Variants in STARD3NL observed in about 807,000 individuals in gnomAD.
STARD3NL encodes STARD3 N-terminal like, also known as STARD3 N-terminal-like protein.
A neutral mutation model predicts 30.9 loss-of-function variants in STARD3NL; 17 were observed. The observed-to-expected ratio is 0.55, with a 90% CI of 0.38 to 0.82. STARD3NL has a LOEUF of 0.82. Among genes scored for constraint, STARD3NL ranks in the 40% least tolerant of loss-of-function variants. STARD3NL has a pLI of 0.00. For missense variants in STARD3NL, 234 were observed against 277.6 expected (o/e 0.84, Z 1.12); for synonymous variants, 112 against 100.5 (o/e 1.11, Z -0.69).
intron 7 of STARD3NL, among the ~76,000 whole-genome samples, 154 bp downstream of exon 7, chr7:38,219,814 A>G (rs1376208180): frequency 1.3e-5 from 2 of 152,248 alleles, no homozygotes; most frequent in Non-Finnish European, 2.9e-5. Context: ...ACGGTCTCAC[A>G]TGAAACCAGT....
At chr7:38,191,528 G>A (rs569594803) in intron 1 of STARD3NL, among the ~76,000 whole-genome samples, 9 of 152,038 alleles carry the variant, frequency 5.9e-5, no homozygotes, top group South Asian at 2.1e-4. Context: ...TAATTTTTAC[G>A]TTTAGGTCTG....
chr7:38,198,664 T>G (rs907656663), intron 1 of STARD3NL, among the ~76,000 whole-genome samples: 1 of 152,154 alleles, frequency 6.6e-6, no homozygotes, highest in East Asian at 1.9e-4. Flanking sequence ...GGCTGGGTGG[T>G]TGGGTTGAGA....
intron 1 of STARD3NL, among the ~76,000 whole-genome samples, chr7:38,187,972 C>G (rs908249483): frequency 2.0e-5 from 3 of 152,152 alleles, no homozygotes; most frequent in Non-Finnish European, 4.4e-5. Flanking sequence ...TTACTTGGAA[C>G]CAATCTATTC....
intron 1 of STARD3NL, among the ~76,000 whole-genome samples, chr7:38,180,047 C>A (rs138221996): frequency 1.4e-4 from 21 of 152,346 alleles, no homozygotes; most frequent in Non-Finnish European, 2.6e-4. Flanking sequence ...GGGATTGGAT[C>A]ATCTTGTATC....
chr7:38,201,210 G>A (rs1487857675), intron 1 of STARD3NL, among the ~76,000 whole-genome samples: 2 of 152,172 alleles, frequency 1.3e-5, no homozygotes, highest in African/African-American at 4.8e-5. Context: ...GCTCAGAGAT[G>A]TCTCTGCTTT....
At chr7:38,187,754 C>T (rs148309144) in intron 1 of STARD3NL, among the ~76,000 whole-genome samples, 9 of 152,204 alleles carry the variant, frequency 5.9e-5, no homozygotes, top group East Asian at 3.9e-4. Flanking sequence ...TACTTTATCT[C>T]GACTTGGATA....
chr7:38,206,682 A>G (rs1451867057), intron 1 of STARD3NL, among the ~76,000 whole-genome samples: 1 of 152,198 alleles, frequency 6.6e-6, no homozygotes. Flanking sequence ...CTTGTTCATT[A>G]AGAGGATGGG....
Position 38,212,838 on chromosome 7 carries a change from A to C in STARD3NL, c.226-1519A>C, listed in dbSNP as rs969795831. On this transcript the variant is annotated intron_variant, in intron 2 of 8. Coordinates refer to ENST00000009041, the MANE Select transcript of STARD3NL (RefSeq NM_032016.4). ...AGTTTCCAGTGATGAACTCTAGAAG[A>C]GTAGTACCAGAACTGACTGGGAAGG... Among the ~76,000 whole-genome samples, 29 of 152,216 alleles carry C rather than the reference A, an allele frequency of 1.9e-4. 2 individuals carry two copies.
At chr7:38,222,654 A>G (rs771623342) in intron 7 of STARD3NL, among the ~76,000 whole-genome samples, 13 of 152,162 alleles carry the variant, frequency 8.5e-5, no homozygotes, top group East Asian at 1.9e-4. Context: ...ATCCATCTGC[A>G]TTTCACCTTT....
chr7:38,218,889 A>G (rs993679317), intron 6 of STARD3NL, among the ~76,000 whole-genome samples: 1 of 152,174 alleles, frequency 6.6e-6, no homozygotes, highest in Non-Finnish European at 1.5e-5. Flanking sequence ...TTATATATTT[A>G]TAAAAGGCCA....
intron 1 of STARD3NL, among the ~76,000 whole-genome samples, chr7:38,189,703 TTCTA>T (rs951066889): frequency 3.7e-4 from 57 of 152,346 alleles, no homozygotes; most frequent in African/African-American, 1.3e-3. Flanking sequence ...ATAGAATGAC[TTCTA>T]TCTATTAGTC....
chr7:38,182,868 G>A (rs1480684521), intron 1 of STARD3NL, among the ~76,000 whole-genome samples: 6 of 152,158 alleles, frequency 3.9e-5, no homozygotes, highest in African/African-American at 1.4e-4. Context: ...AGCATCCTCA[G>A]TGTATTCAAT....
intron 1 of STARD3NL, among the ~76,000 whole-genome samples, chr7:38,197,061 G>T (rs1049374755): frequency 2.0e-5 from 3 of 152,068 alleles, no homozygotes; most frequent in Non-Finnish European, 4.4e-5. Context: ...TCACACACAT[G>T]CATCAGCTCC....
chr7:38,192,184 C>T (rs1363310662), intron 1 of STARD3NL, among the ~76,000 whole-genome samples: 1 of 151,848 alleles, frequency 6.6e-6, no homozygotes, highest in African/African-American at 2.4e-5. Flanking sequence ...CTTTCTCTTT[C>T]TCTTTCTGTG....
At chr7:38,203,545 C>T (rs1443046792) in intron 1 of STARD3NL, among the ~76,000 whole-genome samples, 5 of 152,104 alleles carry the variant, frequency 3.3e-5, no homozygotes, top group African/African-American at 9.7e-5. Context: ...TAAAGACCAT[C>T]GAGGCTAGAA....
chr7:38,209,976 T>C (rs1785705876), intron 2 of STARD3NL, among the ~76,000 whole-genome samples: 1 of 152,192 alleles, frequency 6.6e-6, no homozygotes, highest in Non-Finnish European at 1.5e-5. Context: ...TGGAAAAGGG[T>C]ATATGATCAA....
At chr7:38,214,301 G>A (rs1178199546) in intron 2 of STARD3NL, 56 bp from the exon 3 acceptor site, 3 of 1,154,234 alleles carry the variant, frequency 2.6e-6, no homozygotes, top group Non-Finnish European at 3.8e-6. Context: ...ATCTTACCTT[G>A]TTTTATTTCC....
chr7:38,226,174 T>G (rs1315841060), intron 7 of STARD3NL, among the ~76,000 whole-genome samples: 1 of 120,016 alleles, frequency 8.3e-6, no homozygotes, highest in Admixed American at 9.4e-5. Flanking sequence ...TTTTTTTTTT[T>G]GATGAAAAGT....
At chr7:38,200,136 T>C (rs1010697931) in intron 1 of STARD3NL, among the ~76,000 whole-genome samples, 9 of 152,198 alleles carry the variant, frequency 5.9e-5, no homozygotes, top group Middle Eastern at 3.4e-3. Flanking sequence ...CAACTAGAAA[T>C]GTAGTAGAGT....
Sources: allele counts gnomAD v4.1 joint callset (sites outside exome capture counted in the v4.1 genomes callset), GRCh38; gene constraint gnomAD v4.1.1; transcripts MANE v1.5; gene names NCBI Gene and HGNC (gene_info 2026-07-23, HGNC 2026-07-21).